The following WWTR1 variants were observed in gnomAD, a reference collection of about 807,000 sequenced individuals.
The protein encoded by WWTR1 is WW domain containing transcription regulator 1.
A neutral mutation model predicts 40.1 loss-of-function variants in WWTR1; 13 were observed. That is an observed-to-expected ratio of 0.32 (90% CI 0.21 to 0.52). WWTR1 has a LOEUF of 0.52. Among genes scored for constraint, WWTR1 ranks in the 20% least tolerant of loss-of-function variants. WWTR1 has a pLI of 0.97. For synonymous variants in WWTR1, 230 were observed against 210.1 expected (o/e 1.09, Z -0.82); for missense variants, 436 against 523.1 (o/e 0.83, Z 1.63).
chr3:149,675,862 C>T (rs1244435435), intron 1 of WWTR1, among the ~76,000 whole-genome samples: 1 of 152,074 alleles, frequency 6.6e-6, no homozygotes, highest in East Asian at 1.9e-4. Context: ...AGACTACAGG[C>T]GTCCACCACC....
intron 4 of WWTR1, among the ~76,000 whole-genome samples, chr3:149,722,128 G>A (rs1715769949): frequency 1.3e-5 from 2 of 151,838 alleles, no homozygotes; most frequent in South Asian, 4.2e-4. Context: ...TTTTTCTTTA[G>A]TCCATTTAGC....
At chr3:149,567,106 G>T (rs1326428735) in intron 3 of WWTR1, among the ~76,000 whole-genome samples, 1 of 151,340 alleles carries the variant, frequency 6.6e-6, no homozygotes, top group Non-Finnish European at 1.5e-5. Context: ...TCAGGTCAGG[G>T]TCTCATTCCA....
At chr3:149,554,481 G>A (rs1408311017) in intron 3 of WWTR1, among the ~76,000 whole-genome samples, 3 of 152,190 alleles carry the variant, frequency 2.0e-5, no homozygotes, top group Non-Finnish European at 4.4e-5. Flanking sequence ...ACACACCAGT[G>A]TGCAAGTATC....
chr3:149,558,286 TA>T (rs958759387), intron 3 of WWTR1, among the ~76,000 whole-genome samples: 36 of 148,008 alleles, frequency 2.4e-4, no homozygotes, highest in East Asian at 1.4e-3. Context: ...GTAAATAAAT[TA>T]AAAAAAAAAC....
rs568757345 is a variant in WWTR1, at chr3:149,576,360, G to A, written c.432-3360C>T. On this transcript the variant is annotated intron_variant, in intron 2 of 6. Transcript: ENST00000360632. The stretch of plus-strand genomic sequence containing the variant: ...CCACCACTTCCCAAACCCAGGATAC[G>A]CCATTCACTCTTTCACTCTGCTGTC... The A allele has an allele frequency of 5.4e-4, 164 of 305,650 alleles. 1 individual carries two copies. The highest frequency in any genetic ancestry group is 4.9e-3 in the South Asian group (156 of 31,670). 18.9% of individuals were successfully genotyped at this position (305,650 alleles called of 1,614,324 possible).
chr3:149,696,531 T>C (rs1576644652), intron 1 of WWTR1, among the ~76,000 whole-genome samples: 1 of 152,226 alleles, frequency 6.6e-6, no homozygotes, highest in East Asian at 1.9e-4. Flanking sequence ...CAATGCCCTG[T>C]ACAATATCAC....
upstream of WWTR1, among the ~76,000 whole-genome samples, chr3:149,706,460 A>G (rs1715338929): frequency 6.6e-6 from 1 of 151,596 alleles, no homozygotes; most frequent in Admixed American, 6.7e-5. Flanking sequence ...CTGGGATTAT[A>G]GGCATGCACC....
At chr3:149,613,954 G>A (rs1350915627) in intron 2 of WWTR1, among the ~76,000 whole-genome samples, 2 of 152,124 alleles carry the variant, frequency 1.3e-5, no homozygotes, top group African/African-American at 2.4e-5. Flanking sequence ...AAAAATGAGA[G>A]AGAGAGAAAG....
rs933434677 is a variant in WWTR1, at chr3:149,517,401, A to C, written c.*3404T>G. ...TTTTTATATTACAAAACGTAGAAGT[A>C]AAATTTTAAAAAGTTAAAGTACTAG... is the stretch of plus-strand genomic sequence containing the variant. On this transcript the variant is annotated 3_prime_UTR_variant, in exon 7 of 7. Transcript: ENST00000360632. The C allele has an allele frequency of 2.6e-5, 4 of 152,252 alleles. No homozygotes were observed. The highest frequency in any genetic ancestry group is 9.6e-5 in the African/African-American group (4 of 41,466). 9.4% of individuals were successfully genotyped at this position (152,252 alleles called of 1,614,324 possible). A position where few individuals can be genotyped will look rare whatever the true frequency, so the allele number is the denominator to read the frequency against.
At chr3:149,610,134 A>G (rs546691353) in intron 2 of WWTR1, among the ~76,000 whole-genome samples, 9 of 152,358 alleles carry the variant, frequency 5.9e-5, no homozygotes, top group African/African-American at 1.9e-4. Context: ...ATTCTTTCTA[A>G]CATCAAATGC....
At chr3:149,656,639 C>G (rs536852279) in intron 2 of WWTR1, among the ~76,000 whole-genome samples, 1 of 152,078 alleles carries the variant, frequency 6.6e-6, no homozygotes, top group Non-Finnish European at 1.5e-5. Flanking sequence ...GGTGGATGAA[C>G]TTCACCACTG....
At chr3:149,585,485 G>A (rs2108020043) in intron 2 of WWTR1, among the ~76,000 whole-genome samples, 1 of 152,132 alleles carries the variant, frequency 6.6e-6, no homozygotes, top group Admixed American at 6.6e-5. Context: ...TTGACTCAGA[G>A]ACAAAAATAT....
In WWTR1 at chr3:149,620,186, A is replaced by G. The variant is rs565680133; in HGVS notation, c.431+36690T>C. On this transcript the variant is annotated intron_variant, in intron 2 of 6. Coordinates refer to ENST00000360632, the MANE Select transcript of WWTR1 (RefSeq NM_015472.6). Reference sequence around the variant, plus strand: ...GACTACAGAATCCATATTCTTAACCACTACACCAGATTGCCTCCTCCAAAG... The same window carrying G: ...GACTACAGAATCCATATTCTTAACCGCTACACCAGATTGCCTCCTCCAAAG... 2.0e-5 allele frequency among the ~76,000 whole-genome samples: 3 copies of G among 152,228 alleles called. No individual in the cohort carries two copies. The East Asian group carries it at 5.8e-4, about 29-fold the overall frequency.
At chr3:149,656,791 TCACA>T (rs558663867) in intron 2 of WWTR1, 81 bp downstream of exon 2, 1,017 of 646,384 alleles carry the variant, frequency 1.6e-3, no homozygotes, top group Middle Eastern at 2.3e-3. Context: ...TCTCTCTCTC[TCACA>T]CACACACACA....
intron 6 of WWTR1, among the ~76,000 whole-genome samples, chr3:149,523,175 T>C (rs1340204476): frequency 6.6e-6 from 1 of 152,166 alleles, no homozygotes; most frequent in Non-Finnish European, 1.5e-5. Context: ...GAAGCAGCTC[T>C]GCAATCTCAT....
At chr3:149,649,694 A>G in intron 2 of WWTR1, 1 of 152,336 alleles carries the variant, frequency 6.6e-6, no homozygotes, top group East Asian at 1.9e-4. Context: ...TGGTGGGCAG[A>G]TCACCTGAGG....
At chr3:149,692,923 C>T (rs956219403) in intron 1 of WWTR1, among the ~76,000 whole-genome samples, 14 of 152,138 alleles carry the variant, frequency 9.2e-5, no homozygotes, top group Admixed American at 1.3e-4. Context: ...GTGTAAGCCA[C>T]CGTGCATGGC....
Position 149,568,414 on chromosome 3 carries a change from C to A in WWTR1, c.568+4450G>T, listed in dbSNP as rs1051595938. Reference sequence around the variant, plus strand: ...GGGAATTCAGGCTTAAAGGCCATTACTCTGCTCAGACAGAATCCAAATTGG... The same window carrying A: ...GGGAATTCAGGCTTAAAGGCCATTAATCTGCTCAGACAGAATCCAAATTGG... On this transcript the variant is annotated intron_variant, in intron 3 of 6. Coordinates refer to ENST00000360632, the MANE Select transcript of WWTR1 (RefSeq NM_015472.6). Among the ~76,000 whole-genome samples, 20 of 151,506 alleles carry A rather than the reference C, an allele frequency of 1.3e-4. No individual in the cohort carries two copies. In the East Asian group the frequency reaches 3.5e-3, roughly 27 times the overall value.
intron 1 of WWTR1, among the ~76,000 whole-genome samples, chr3:149,672,247 C>T (rs1206017702): frequency 6.6e-6 from 1 of 152,178 alleles, no homozygotes; most frequent in Non-Finnish European, 1.5e-5. Flanking sequence ...AGTTCGCCAA[C>T]CGCTTTCCTA....
Sources: allele counts gnomAD v4.1 joint callset (sites outside exome capture counted in the v4.1 genomes callset), GRCh38; gene constraint gnomAD v4.1.1; transcripts MANE v1.5; gene names NCBI Gene and HGNC (gene_info 2026-07-23, HGNC 2026-07-21).